Variants in STPG2 observed in about 807,000 individuals in gnomAD.
STPG2 encodes sperm-tail PG-rich repeat-containing protein 2.
A neutral mutation model predicts 54.2 loss-of-function variants in STPG2; 56 were observed. The observed-to-expected ratio is 1.03, with a 90% CI of 0.83 to 1.29. The LOEUF (loss-of-function observed/expected upper bound fraction) is 1.29, where lower values mean the gene tolerates loss of function less well. STPG2 is among the 50% of genes most tolerant of loss of function. The probability of loss-of-function intolerance (pLI) is 0.00; values close to 1 mark genes in which losing one functional copy is unlikely to be tolerated. For missense variants in STPG2, 596 were observed against 544.9 expected (o/e 1.09, Z -0.93); for synonymous variants, 200 against 181.8 (o/e 1.10, Z -0.81).
At chr4:97,901,210 A>G (rs1731164705) in intron 8 of STPG2, among the ~76,000 whole-genome samples, 1 of 152,012 alleles carries the variant, frequency 6.6e-6, no homozygotes, top group African/African-American at 2.4e-5. Context: ...AAGGCCATGT[A>G]TGACAAGCCC....
chr4:98,111,165 G>A (rs1371404519), intron 3 of STPG2, among the ~76,000 whole-genome samples: 1 of 151,780 alleles, frequency 6.6e-6, no homozygotes, highest in Non-Finnish European at 1.5e-5. Flanking sequence ...CATTTGAAAA[G>A]AGTCTCAGCT....
At chr4:97,679,706 C>T (rs1279363436) in intron 10 of STPG2, among the ~76,000 whole-genome samples, 6 of 152,224 alleles carry the variant, frequency 3.9e-5, no homozygotes, top group South Asian at 2.1e-4. Context: ...TTGCCCATGC[C>T]TATGTCCTGA....
chr4:97,611,820 T>C (rs965846283), intron 10 of STPG2, among the ~76,000 whole-genome samples: 1 of 151,816 alleles, frequency 6.6e-6, no homozygotes, highest in Non-Finnish European at 1.5e-5. Flanking sequence ...TCATATGGAT[T>C]ATAGTTACAT....
chr4:97,918,548 GAAAT>G (rs370697327), intron 8 of STPG2, among the ~76,000 whole-genome samples: 2,595 of 151,138 alleles, frequency 0.017, 76 homozygotes, highest in African/African-American at 0.059. Context: ...TTTTCACCAG[GAAAT>G]AAATAAATAT....
chr4:97,609,621 T>A (rs1733684273), intron 10 of STPG2, among the ~76,000 whole-genome samples: 1 of 151,968 alleles, frequency 6.6e-6, no homozygotes. Context: ...TGATCTCTCT[T>A]GTCCATGGAA....
At chr4:97,790,745 T>C (rs1424800291) in intron 9 of STPG2, among the ~76,000 whole-genome samples, 1 of 152,214 alleles carries the variant, frequency 6.6e-6, no homozygotes. Context: ...CTTCCTCTTC[T>C]AATTTTCAGT....
chr4:97,665,048 A>G (rs1390379960), intron 10 of STPG2, among the ~76,000 whole-genome samples: 1 of 152,100 alleles, frequency 6.6e-6, no homozygotes. Context: ...AGCAGCTTCC[A>G]CAGCTGGCAT....
intron 7 of STPG2, among the ~76,000 whole-genome samples, chr4:97,969,563 A>T (rs568287863): frequency 2.3e-4 from 35 of 152,260 alleles, no homozygotes; most frequent in African/African-American, 8.2e-4. Flanking sequence ...TCCACCTGGG[A>T]ACAAAGAGAC....
At chr4:98,141,851 G>C (rs572724740) in intron 1 of STPG2, among the ~76,000 whole-genome samples, 4 of 151,150 alleles carry the variant, frequency 2.6e-5, no homozygotes, top group African/African-American at 9.8e-5. Flanking sequence ...TGCTTGGAGA[G>C]GGGGAGAAGA....
intron 9 of STPG2, among the ~76,000 whole-genome samples, chr4:97,827,342 TCTC>T (rs1189239593): frequency 6.6e-6 from 1 of 151,674 alleles, no homozygotes; most frequent in Non-Finnish European, 1.5e-5. Flanking sequence ...TTCACGCCAT[TCTC>T]CTGCCTCAGC....
chr4:97,547,626 T>C (rs939016426), intron 4 of STPG2, among the ~76,000 whole-genome samples: 9 of 152,150 alleles, frequency 5.9e-5, no homozygotes, highest in Non-Finnish European at 1.5e-5. Flanking sequence ...GACTGAAGGC[T>C]GCTGGGAGTT....
At chr4:97,562,715 T>A (rs1251996438) in intron 10 of STPG2, among the ~76,000 whole-genome samples, 4 of 152,180 alleles carry the variant, frequency 2.6e-5, no homozygotes, top group East Asian at 3.9e-4. Flanking sequence ...GTTTTTTGTC[T>A]TTGCTTCTGT....
In STPG2 at chr4:97,903,582, C is replaced by A. The variant is rs187578927; in HGVS notation, c.1044+40315G>T. ...ACCAATAAAACTCATGTAGTAAGAC[C>A]GATTAACAAAAAAAGAGGGGAAGGA... On this transcript the variant is annotated intron_variant, in intron 8 of 10. Transcript: ENST00000295268. Among the ~76,000 whole-genome samples, 3 of 152,118 alleles carry A rather than the reference C, an allele frequency of 2.0e-5. No individual in the cohort carries two copies. The East Asian group carries it at 5.8e-4, about 29-fold the overall frequency.
intron 5 of STPG2, among the ~76,000 whole-genome samples, chr4:98,087,542 G>C (rs1394370627): frequency 6.7e-6 from 1 of 149,160 alleles, no homozygotes; most frequent in African/African-American, 2.5e-5. Flanking sequence ...CCTTAATTCA[G>C]TAATTCTCTC....
At chr4:97,930,611 T>C (rs938870290) in intron 8 of STPG2, among the ~76,000 whole-genome samples, 3 of 152,228 alleles carry the variant, frequency 2.0e-5, no homozygotes, top group Non-Finnish European at 4.4e-5. Flanking sequence ...TCAGGTAACA[T>C]GATGCCTCCA....
chr4:97,550,287 T>C (rs1034554017), intron 4 of STPG2, among the ~76,000 whole-genome samples: 7 of 151,964 alleles, frequency 4.6e-5, no homozygotes, highest in Admixed American at 6.6e-5. Context: ...AGGATATGTA[T>C]AAATGAAGAA....
At chr4:97,532,714 T>C (rs1731440888) in intron 4 of STPG2, among the ~76,000 whole-genome samples, 1 of 152,180 alleles carries the variant, frequency 6.6e-6, no homozygotes, top group Admixed American at 6.5e-5. Context: ...TGGTTAGATA[T>C]GATTGATATA....
chr4:97,449,630 ATCC>A (rs1425014610), intron 4 of STPG2, among the ~76,000 whole-genome samples: 1 of 152,172 alleles, frequency 6.6e-6, no homozygotes, highest in Admixed American at 6.5e-5. Flanking sequence ...TATATCAATG[ATCC>A]TCTTTTTTTA....
intron 9 of STPG2, among the ~76,000 whole-genome samples, chr4:97,728,147 GT>G (rs1477664380): frequency 6.6e-6 from 1 of 151,864 alleles, no homozygotes; most frequent in African/African-American, 2.4e-5. Flanking sequence ...GAATGGTATT[GT>G]CTATACTTGG....
Sources: allele counts gnomAD v4.1 joint callset (sites outside exome capture counted in the v4.1 genomes callset), GRCh38; gene constraint gnomAD v4.1.1; transcripts MANE v1.5; gene names NCBI Gene and HGNC (gene_info 2026-07-23, HGNC 2026-07-21).